WDPCP: variants seen among roughly 807,000 people sequenced by gnomAD.
WDPCP encodes the protein WD repeat containing planar cell polarity effector, also known as WD repeat-containing and planar cell polarity effector protein fritz homolog.
A neutral mutation model predicts 93.1 loss-of-function variants in WDPCP; 71 were observed. The observed-to-expected ratio is 0.76, with a 90% CI of 0.63 to 0.93. The LOEUF is 0.93. WDPCP is among the 40% of genes least tolerant of loss of function. WDPCP has a pLI of 0.00. For synonymous variants in WDPCP, 315 were observed against 315.0 expected (o/e 1.00, Z 0.00); for missense variants, 844 against 887.4 (o/e 0.95, Z 0.62).
At chr2:63,312,611 C>T (rs1686265301) in intron 13 of WDPCP, among the ~76,000 whole-genome samples, 1 of 152,080 alleles carries the variant, frequency 6.6e-6, no homozygotes, top group Non-Finnish European at 1.5e-5. Flanking sequence ...AGGACTTTTC[C>T]TTTGTTCATT....
intron 6 of WDPCP, among the ~76,000 whole-genome samples, chr2:63,476,465 T>C (rs1466660676): frequency 6.6e-6 from 1 of 152,146 alleles, no homozygotes; most frequent in Non-Finnish European, 1.5e-5. Context: ...CTAAGTAAAG[T>C]TATAAATTCT....
At chr2:63,456,368 G>A (rs1698622014) in intron 6 of WDPCP, among the ~76,000 whole-genome samples, 1 of 152,164 alleles carries the variant, frequency 6.6e-6, no homozygotes, top group Admixed American at 6.5e-5. Flanking sequence ...AGTGAGCCAA[G>A]ATTGCGCCAC....
chr2:63,462,945 C>A (rs1177331541), intron 6 of WDPCP, among the ~76,000 whole-genome samples: 2 of 151,958 alleles, frequency 1.3e-5, no homozygotes, highest in African/African-American at 2.4e-5. Flanking sequence ...ATTAAGTAGT[C>A]AGCTGGATTT....
chr2:63,522,197 C>A (rs932641483), intron 1 of WDPCP, among the ~76,000 whole-genome samples: 1 of 151,892 alleles, frequency 6.6e-6, no homozygotes, highest in African/African-American at 2.4e-5. Flanking sequence ...CCCCACCCCC[C>A]GGCAGGTGAT....
At chr2:63,458,385 T>C (rs779321010) in intron 6 of WDPCP, among the ~76,000 whole-genome samples, 37 of 151,718 alleles carry the variant, frequency 2.4e-4, no homozygotes, top group Non-Finnish European at 5.2e-4. Context: ...GATACAAAAA[T>C]CAACATATAA....
intron 12 of WDPCP, among the ~76,000 whole-genome samples, chr2:63,326,269 T>C (rs985163573): frequency 6.6e-6 from 1 of 152,204 alleles, no homozygotes; most frequent in African/African-American, 2.4e-5. Context: ...CAACAAATTA[T>C]AGTCCAGACT....
intron 2 of WDPCP, among the ~76,000 whole-genome samples, chr2:63,702,150 C>T (rs1165690656): frequency 6.6e-6 from 1 of 152,072 alleles, no homozygotes; most frequent in East Asian, 1.9e-4. Flanking sequence ...CTCAGCCTCC[C>T]GAGTAGCTGG....
At position 63,552,911 on chromosome 2, in the gene WDPCP, T is replaced by G. The variant is rs560865234; in HGVS notation, c.75+35286A>C. 9.2e-5 allele frequency among the ~76,000 whole-genome samples: 14 copies of G among 152,206 alleles called. No homozygotes were observed. In the South Asian group the frequency reaches 2.7e-3, roughly 29 times the overall value. ...GTTTTCAGCGTAAAATAAATACAAG[T>G]GTGTCTAAAGGTGATTTCTACTAAG... On this transcript the variant is annotated intron_variant, in intron 1 of 17. Transcript: ENST00000272321.
chr2:63,136,806 G>A (rs1400599586), intron 17 of WDPCP, among the ~76,000 whole-genome samples: 1 of 152,070 alleles, frequency 6.6e-6, no homozygotes, highest in East Asian at 1.9e-4. Context: ...GTGAGAACAT[G>A]CAAAATTTGA....
intron 3 of WDPCP, among the ~76,000 whole-genome samples, chr2:63,616,142 T>C (rs940594562): frequency 2.0e-5 from 3 of 152,130 alleles, no homozygotes; most frequent in Admixed American, 6.6e-5. Context: ...TTGCAGGAAA[T>C]AGTGCAATGT....
chr2:63,413,479 A>G (rs1398129929), intron 9 of WDPCP, among the ~76,000 whole-genome samples: 3 of 152,174 alleles, frequency 2.0e-5, no homozygotes, highest in Non-Finnish European at 4.4e-5. Flanking sequence ...TTTCATGACC[A>G]AGAACCCGAA....
rs555758915 is a variant in WDPCP, at chr2:63,686,388, G to C, written n.309-35550C>G. Among the ~76,000 whole-genome samples, 26 of 152,170 alleles carry C rather than the reference G, an allele frequency of 1.7e-4. No homozygotes were observed. In the East Asian group the frequency reaches 3.9e-3, roughly 23 times the overall value. Reference sequence around the variant, plus strand: ...CCTACAAATTTACTTAACCAAAAAAGGGAAAGATCTCTGCAATGAACGCTA... The same window carrying C: ...CCTACAAATTTACTTAACCAAAAAACGGAAAGATCTCTGCAATGAACGCTA... On this transcript the variant is annotated intron_variant and non_coding_transcript_variant, in intron 2 of 4. Coordinates refer to the WDPCP transcript ENST00000467687.
chr2:63,573,924 C>T (rs1707731802), intron 1 of WDPCP, among the ~76,000 whole-genome samples: 2 of 152,068 alleles, frequency 1.3e-5, no homozygotes, highest in Admixed American at 6.6e-5. Flanking sequence ...TAAAATAAGC[C>T]CCAGTCTCCC....
At chr2:63,193,574 C>A (rs963938329) in intron 14 of WDPCP, among the ~76,000 whole-genome samples, 8 of 152,230 alleles carry the variant, frequency 5.3e-5, no homozygotes, top group Non-Finnish European at 1.0e-4. Context: ...CAACCTCTAA[C>A]TGCTAGGTTT....
chr2:63,719,907 G>C (rs1222237748), intron 2 of WDPCP, among the ~76,000 whole-genome samples: 1 of 152,062 alleles, frequency 6.6e-6, no homozygotes, highest in Non-Finnish European at 1.5e-5. Context: ...TGTTACCTAT[G>C]TTATACTAGT....
chr2:63,606,733 C>A, intron 3 of WDPCP: 4 of 462,684 alleles, frequency 8.6e-6, no homozygotes, highest in East Asian at 4.3e-5. Flanking sequence ...TAATTAAAAT[C>A]TGGATTTTTA....
rs1004963462 is a variant in WDPCP at position 63,447,352 on chromosome 2, G to A, written c.385-7481C>T. Among the ~76,000 whole-genome samples the A allele has an allele frequency of 5.2e-4, 79 of 151,982 alleles. 5 individuals are homozygous for A. Among genetic ancestry groups the A allele is most frequent in the Admixed American group, 2.0e-4 (3 of 15,244 alleles). ...AAAATTTTTAAAAATTGATATTAGGGATGATTTTTTAAAACTTTTGTGTGT... is the reference window on the plus strand; with the variant it reads ...AAAATTTTTAAAAATTGATATTAGGAATGATTTTTTAAAACTTTTGTGTGT... On this transcript the variant is annotated intron_variant, in intron 6 of 17. Transcript: ENST00000272321.
intron 14 of WDPCP, among the ~76,000 whole-genome samples, chr2:63,244,747 G>A (rs192991122): frequency 1.2e-4 from 18 of 152,226 alleles, no homozygotes; most frequent in Non-Finnish European, 2.1e-4. Context: ...CTATTTCTGA[G>A]GTACAGCCAC....
intron 2 of WDPCP, among the ~76,000 whole-genome samples, chr2:63,810,545 G>A (rs1028202953): frequency 3.9e-5 from 6 of 152,112 alleles, no homozygotes; most frequent in Admixed American, 3.3e-4. Flanking sequence ...AAAGAACAGT[G>A]GGAGTCAAGT....
Sources: allele counts gnomAD v4.1 joint callset (sites outside exome capture counted in the v4.1 genomes callset), GRCh38; gene constraint gnomAD v4.1.1; transcripts MANE v1.5; gene names NCBI Gene and HGNC (gene_info 2026-07-23, HGNC 2026-07-21).